SHLD2: variants seen among roughly 807,000 people sequenced by gnomAD.
SHLD2 encodes shieldin complex subunit 2.
SHLD2 carries 30 observed loss-of-function variants against 73.2 expected under a neutral mutation model. The observed-to-expected ratio is 0.41, with a 90% CI of 0.31 to 0.56. The LOEUF is 0.56. Ranked by LOEUF, SHLD2 falls within the 20% of genes least tolerant of loss-of-function variation. The pLI, the probability that SHLD2 is intolerant of heterozygous loss-of-function variation, is 0.28. For synonymous variants in SHLD2, 285 were observed against 370.1 expected (o/e 0.77, Z 2.64); for missense variants, 745 against 1,055.9 (o/e 0.71, Z 4.08).
chr10:87,115,694 G>A (rs1170760542), intron 2 of SHLD2, among the ~76,000 whole-genome samples: 1 of 152,180 alleles, frequency 6.6e-6, no homozygotes, highest in Non-Finnish European at 1.5e-5. Flanking sequence ...ACAAAAAATT[G>A]AGACGACAGT....
rs1321542181 is a variant in SHLD2 at position 87,191,249 on chromosome 10, G to C, written c.*566G>C. 6.3e-6 allele frequency: 1 copy of C among 158,676 alleles called. No homozygotes were observed. The highest frequency in any genetic ancestry group is 1.9e-4 in the East Asian group (1 of 5,326). The allele number at this position is 158,676 out of a possible 1,614,324, so 9.8% of individuals were successfully genotyped here. A position where few individuals can be genotyped will look rare whatever the true frequency, so the allele number is the denominator to read the frequency against. On this transcript the variant is annotated 3_prime_UTR_variant, in exon 10 of 10. Transcript: ENST00000298786. ...TTATTAAAGCAGGGAAGAGCGTTCT[G>C]TGCTTAGTTCGTGTCTAGGATTTGA...
At chr10:87,134,169 T>C (rs1844629414) in intron 2 of SHLD2, among the ~76,000 whole-genome samples, 1 of 152,214 alleles carries the variant, frequency 6.6e-6, no homozygotes, top group African/African-American at 2.4e-5. Flanking sequence ...AGAATTCAGC[T>C]TCCTCTTCAG....
intron 8 of SHLD2, 133 bp from the exon 9 acceptor site, chr10:87,186,952 A>G (rs1848659545): frequency 2.1e-5 from 12 of 566,024 alleles, no homozygotes; most frequent in South Asian, 1.7e-4. Context: ...GTCACAGAAC[A>G]TCCTAGAGTT....
chr10:87,179,697 G>A (rs1187992055), intron 7 of SHLD2, among the ~76,000 whole-genome samples: 2 of 152,174 alleles, frequency 1.3e-5, no homozygotes, highest in Non-Finnish European at 2.9e-5. Flanking sequence ...CACTGCGCCC[G>A]GCCCCTATTT....
intron 6 of SHLD2, among the ~76,000 whole-genome samples, chr10:87,175,207 A>G (rs528574840): frequency 6.7e-6 from 1 of 149,176 alleles, no homozygotes; most frequent in Non-Finnish European, 1.5e-5. Context: ...GTTAACTAAA[A>G]TAACTATTGA....
intron 2 of SHLD2, among the ~76,000 whole-genome samples, chr10:87,121,765 T>TC (rs200398747): frequency 2.9e-4 from 43 of 146,850 alleles, no homozygotes; most frequent in East Asian, 4.0e-4. Flanking sequence ...TTTCTTTCTT[T>TC]TTTTTTTTTT....
intron 4 of SHLD2, among the ~76,000 whole-genome samples, chr10:87,158,410 C>T (rs555350134): frequency 6.6e-6 from 1 of 152,202 alleles, no homozygotes; most frequent in South Asian, 2.1e-4. Context: ...GGTTCTTCAC[C>T]TTTTAGGGAG....
intron 6 of SHLD2, among the ~76,000 whole-genome samples, chr10:87,174,930 A>G (rs1466705656): frequency 1.3e-5 from 2 of 152,118 alleles, no homozygotes; most frequent in African/African-American, 4.8e-5. Context: ...CCTGGCTAAC[A>G]CGGTGAAACC....
At chr10:87,116,969 T>C (rs1259325498) in intron 2 of SHLD2, among the ~76,000 whole-genome samples, 1 of 151,972 alleles carries the variant, frequency 6.6e-6, no homozygotes, top group Non-Finnish European at 1.5e-5. Flanking sequence ...GGACATGAAG[T>C]GGTTGGTGTT....
intron 2 of SHLD2, among the ~76,000 whole-genome samples, chr10:87,103,779 G>C (rs1842417202): frequency 6.6e-6 from 1 of 152,126 alleles, no homozygotes; most frequent in Non-Finnish European, 1.5e-5. Context: ...CTGCATGGCT[G>C]GTTTGGGTAA....
At chr10:87,112,723 A>C (rs1336379474) in intron 2 of SHLD2, among the ~76,000 whole-genome samples, 4 of 151,374 alleles carry the variant, frequency 2.6e-5, no homozygotes, top group African/African-American at 7.3e-5. Flanking sequence ...TCAAAAAAAA[A>C]AAAAACCCAA....
chr10:87,120,499 G>A (rs1196532470), intron 2 of SHLD2, among the ~76,000 whole-genome samples: 17 of 151,572 alleles, frequency 1.1e-4, no homozygotes, highest in African/African-American at 3.1e-4. Context: ...TGCCCGCCTC[G>A]GCCTCCCAAA....
rs1015091769 is a variant in SHLD2, at chr10:87,110,315, A to AT, written c.-6+13326_-6+13327insT. Among the ~76,000 whole-genome samples the AT allele has an allele frequency of 2.7e-3, 402 of 151,188 alleles. 2 individuals carry two copies. The highest frequency in any genetic ancestry group is 9.3e-3 in the African/African-American group (383 of 41,146). ...TCAAAATAAGTAAATAAATAAATAA[A>AT]AAGTTCTCTTTTGGCCAGGCACAAT... On this transcript the variant is annotated intron_variant, in intron 2 of 9. Coordinates refer to ENST00000298786, the MANE Select transcript of SHLD2 (RefSeq NM_001330112.2).
intron 2 of SHLD2, among the ~76,000 whole-genome samples, chr10:87,103,168 C>T (rs1482412516): frequency 6.6e-6 from 1 of 151,976 alleles, no homozygotes; most frequent in Non-Finnish European, 1.5e-5. Context: ...CGAGATCTCA[C>T]CACTGCACTC....
At chr10:87,142,922 CTTTT>C (rs71269253) in intron 2 of SHLD2, among the ~76,000 whole-genome samples, 6 of 83,194 alleles carry the variant, frequency 7.2e-5, no homozygotes, top group Admixed American at 1.5e-4. Flanking sequence ...TTTATTTTTA[CTTTT>C]TTTTTTTTTT....
intron 8 of SHLD2, among the ~76,000 whole-genome samples, chr10:87,186,825 A>C (rs963099401): frequency 5.9e-5 from 9 of 151,966 alleles, no homozygotes; most frequent in Non-Finnish European, 1.0e-4. Flanking sequence ...AAAACAGTTT[A>C]ATATATTTTT....
chr10:87,190,081 CAG>C (rs1848949554), intron 9 of SHLD2, among the ~76,000 whole-genome samples: 1 of 152,190 alleles, frequency 6.6e-6, no homozygotes, highest in African/African-American at 2.4e-5. Flanking sequence ...TATTTAGAGA[CAG>C]AGTCTTGCTC....
At chr10:87,183,486 C>T (rs1342245754) in intron 8 of SHLD2, among the ~76,000 whole-genome samples, 5 of 152,126 alleles carry the variant, frequency 3.3e-5, no homozygotes, top group African/African-American at 1.2e-4. Context: ...TCTCACTAGC[C>T]TATAAAGACA....
At chr10:87,178,287 GC>G (rs1402775809) in intron 7 of SHLD2, among the ~76,000 whole-genome samples, 14 of 147,474 alleles carry the variant, frequency 9.5e-5, no homozygotes, top group Admixed American at 7.5e-4. Context: ...AGGGAGGAGA[GC>G]AAGGGTTTAA....
Sources: gnomAD v4.1 joint callset for allele counts (sites outside exome capture counted in the v4.1 genomes callset) on GRCh38, gnomAD v4.1.1 for gene constraint, MANE v1.5 for transcripts, NCBI Gene and HGNC (gene_info 2026-07-23, HGNC 2026-07-21) for gene names.